SLC6A2: variants seen among roughly 807,000 people sequenced by gnomAD.
SLC6A2 encodes the protein sodium-dependent noradrenaline transporter.
A neutral mutation model predicts 71.7 loss-of-function variants in SLC6A2; 26 were observed. The ratio of observed to expected loss-of-function variants is 0.36; its 90% CI spans 0.27 to 0.50. SLC6A2 has a LOEUF of 0.50. Ranked by LOEUF, SLC6A2 falls within the 20% of genes least tolerant of loss-of-function variation. SLC6A2 has a pLI of 0.96. For missense variants in SLC6A2, 581 were observed against 803.9 expected (o/e 0.72, Z 3.35); for synonymous variants, 363 against 337.9 (o/e 1.07, Z -0.82).
chr16:55,689,383 G>A (rs1202856006), intron 5 of SLC6A2, among the ~76,000 whole-genome samples: 2 of 152,166 alleles, frequency 1.3e-5, no homozygotes, highest in Non-Finnish European at 2.9e-5. Flanking sequence ...CTATAGTCAG[G>A]GTCTCAGCTC....
chr16:55,673,310 C>T (rs1480343557), intron 4 of SLC6A2, among the ~76,000 whole-genome samples: 2 of 152,192 alleles, frequency 1.3e-5, no homozygotes, highest in African/African-American at 4.8e-5. Flanking sequence ...TATCTTGTTA[C>T]TTGTGATGTT....
rs565379784 is a variant in SLC6A2 at position 55,691,937 on chromosome 16, C to T, written c.803C>T (p.Thr268Met). The T allele has an allele frequency of 8.1e-6, 13 of 1,614,084 alleles. No individual in the cohort carries two copies. Among genetic ancestry groups the T allele is most frequent in the African/African-American group, 1.3e-5 (1 of 75,012 alleles). The change falls in exon 6 of 15, where the codon ACG becomes ATG. Residue 268 changes from threonine (T) to methionine (M), a missense_variant. By Grantham distance (81) the Thr-to-Met change is moderately conservative. Around this residue, in one of 5 missense-constraint regions of SLC6A2, gnomAD observed 334 missense variants for 449.0 expected, o/e 0.74. Transcript: ENST00000568943. ...GCCCAGGTGGTGTGGATCACAGCCA[C>T]GCTGCCTTACTTCGTGCTGTTCGTG... The part of the protein sequence containing the change: ...TSGKVVWITA[T>M]LPYFVLFVLL...
chr16:55,689,001 G>A (rs1965535916), intron 5 of SLC6A2, among the ~76,000 whole-genome samples: 1 of 152,164 alleles, frequency 6.6e-6, no homozygotes, highest in Admixed American at 6.5e-5. Context: ...ACCTCCCTTA[G>A]GGACTAAGGA....
In SLC6A2 at chr16:55,678,385, G is replaced by A. The variant is rs9940195; in HGVS notation, c.644+6210G>A. On this transcript the variant is annotated intron_variant, in intron 4 of 14. Transcript: ENST00000568943. ...AAAAACATCCCCTCAACTCAGTTTG[G>A]GGACCCAGTGAGTGGGACTCCTAGT... Among the ~76,000 whole-genome samples, 1,491 of 151,998 alleles carry A rather than the reference G, an allele frequency of 9.8e-3. 31 individuals are homozygous for A. The highest frequency in any genetic ancestry group is 0.033 in the African/African-American group (1,381 of 41,414).
Position 55,705,248 on chromosome 16 carries a change from C to A in SLC6A2, c.*2902C>A, listed in dbSNP as rs1036826828. ...CGAGACAAGGGAGAAGGAGAGCTAC[C>A]AACTCTTGCCAGATATCCTGCTGAA... On this transcript the variant is annotated 3_prime_UTR_variant, in exon 15 of 15. Coordinates refer to ENST00000568943, the MANE Select transcript of SLC6A2 (RefSeq NM_001172501.3). The A allele has an allele frequency of 2.0e-6, 3 of 1,536,002 alleles. No individual in the cohort carries two copies. The highest frequency in any genetic ancestry group is 2.4e-5 in the East Asian group (1 of 40,884).
intron 5 of SLC6A2, among the ~76,000 whole-genome samples, chr16:55,688,171 G>A (rs951926480): frequency 6.6e-6 from 1 of 152,224 alleles, no homozygotes; most frequent in Non-Finnish European, 1.5e-5. Flanking sequence ...AACCAAGAGT[G>A]TTGCTTATTT....
intron 4 of SLC6A2, among the ~76,000 whole-genome samples, chr16:55,677,024 C>G (rs1426498382): frequency 1.3e-5 from 2 of 152,172 alleles, no homozygotes; most frequent in African/African-American, 4.8e-5. Flanking sequence ...CAGTAGCTCC[C>G]CCTGCAATTC....
chr16:55,679,549 T>C (rs1277553724), intron 4 of SLC6A2, among the ~76,000 whole-genome samples: 2 of 152,250 alleles, frequency 1.3e-5, no homozygotes, highest in Non-Finnish European at 2.9e-5. Flanking sequence ...TTTTTAAATA[T>C]GCGTACGCCC....
chr16:55,698,089 A>C, intron 10 of SLC6A2, 64 bp downstream of exon 10: 3 of 1,554,812 alleles, frequency 1.9e-6, no homozygotes, highest in Non-Finnish European at 2.7e-6. Flanking sequence ...ATAAAGTCAA[A>C]CATTCCTAGC....
intron 5 of SLC6A2, among the ~76,000 whole-genome samples, chr16:55,690,669 G>A (rs1965589922): frequency 1.3e-5 from 2 of 152,082 alleles, no homozygotes; most frequent in South Asian, 4.1e-4. Context: ...GCCTAAAGTG[G>A]TGATTTCTCA....
chr16:55,694,527 C>T (rs1468568407), intron 7 of SLC6A2, among the ~76,000 whole-genome samples: 1 of 152,164 alleles, frequency 6.6e-6, no homozygotes, highest in Non-Finnish European at 1.5e-5. Context: ...CATGATCTAG[C>T]TCAGTTCAGG....
At position 55,669,602 on chromosome 16, in the gene SLC6A2, C is replaced by T. The variant is rs773325382; in HGVS notation, c.312C>T (p.Ile104=). 18 of 1,613,938 alleles carry T rather than the reference C, an allele frequency of 1.1e-5. No homozygotes were observed. The South Asian group carries it at 1.8e-4, about 16-fold the overall frequency. Reference sequence around the variant, plus strand: ...TCCCGTACACACTGTTCCTTATCATCGCGGGGATGCCCCTGTTCTACATGG... The same window carrying T: ...TCCCGTACACACTGTTCCTTATCATTGCGGGGATGCCCCTGTTCTACATGG... ...FLIPYTLFLI[I]AGMPLFYMEL... Residue 104 remains isoleucine (I), a synonymous_variant, in exon 3 of 15, where the codon ATC becomes ATT. Transcript: ENST00000568943.
chr16:55,657,306 T>C (rs934259339), intron 2 of SLC6A2, among the ~76,000 whole-genome samples: 1 of 151,508 alleles, frequency 6.6e-6, no homozygotes, highest in African/African-American at 2.4e-5. Flanking sequence ...GGGTGCCAGG[T>C]TGGGTGGGGG....
At chr16:55,657,350 G>A (rs1964486640) in intron 2 of SLC6A2, among the ~76,000 whole-genome samples, 1 of 152,136 alleles carries the variant, frequency 6.6e-6, no homozygotes, top group South Asian at 2.1e-4. Flanking sequence ...TGGAAGGGAG[G>A]TGGAGATTCC....
Position 55,689,952 on chromosome 16 carries a change from G to A in SLC6A2, c.784-1966G>A, listed in dbSNP as rs536381755. Among the ~76,000 whole-genome samples, 22 of 152,192 alleles carry A rather than the reference G, an allele frequency of 1.4e-4. No individual in the cohort carries two copies. The South Asian group carries it at 2.5e-3, about 17-fold the overall frequency. ...TGTGACTACCACTATGCATTTACTC[G>A]CTCCCATGCTGACCCAGTTACTCAT... On this transcript the variant is annotated intron_variant, in intron 5 of 14. Transcript: ENST00000568943.
chr16:55,681,263 G>A (rs1428735612), intron 4 of SLC6A2, among the ~76,000 whole-genome samples: 1 of 152,208 alleles, frequency 6.6e-6, no homozygotes, highest in Non-Finnish European at 1.5e-5. Context: ...ACTGAAAAGA[G>A]AAAGACTCAG....
chr16:55,680,775 G>T (rs777539226), intron 4 of SLC6A2, among the ~76,000 whole-genome samples: 2 of 152,102 alleles, frequency 1.3e-5, no homozygotes, highest in Non-Finnish European at 1.5e-5. Context: ...GGGGGTGGGG[G>T]TAGAGGGAGC....
In SLC6A2 at chr16:55,700,291, G is replaced by A. The variant is rs1331717645; in HGVS notation, c.1743G>A (p.Gln581=). The change falls in exon 13 of 15, where the codon CAG becomes CAA. Residue 581 remains glutamine (Q), a synonymous_variant. Coordinates refer to ENST00000568943, the MANE Select transcript of SLC6A2 (RefSeq NM_001172501.3). ...IYVIYKFLST[Q]GSLWERLAYG... ...TCATCTATAAGTTCCTCAGCACGCAGGGCTCTCTTTGGGAGGTGAGCTCTG... is the reference window on the plus strand; with the variant it reads ...TCATCTATAAGTTCCTCAGCACGCAAGGCTCTCTTTGGGAGGTGAGCTCTG... 38 of 1,613,556 alleles carry A rather than the reference G, an allele frequency of 2.4e-5. No homozygotes were observed. The highest frequency in any genetic ancestry group is 3.1e-5 in the Non-Finnish European group (37 of 1,179,732).
intron 13 of SLC6A2, among the ~76,000 whole-genome samples, chr16:55,700,599 A>T (rs969879824): frequency 1.3e-5 from 2 of 152,162 alleles, no homozygotes; most frequent in Admixed American, 1.3e-4. Context: ...CCTGGAGTTC[A>T]CTAAGGATTG....
Sources: gnomAD v4.1 joint callset for allele counts (sites outside exome capture counted in the v4.1 genomes callset) on GRCh38, gnomAD v4.1.1 for gene constraint, gnomAD v4.1.1 regional missense constraint, MANE v1.5 for transcripts, NCBI Gene and HGNC (gene_info 2026-07-23, HGNC 2026-07-21) for gene names.